The following MACROD2 variants were observed in gnomAD, a reference collection of about 807,000 sequenced individuals.
MACROD2 encodes ADP-ribose glycohydrolase MACROD2.
MACROD2 carries 36 observed loss-of-function variants against 70.4 expected under a neutral mutation model. That is an observed-to-expected ratio of 0.51 (90% confidence interval 0.39 to 0.68). The LOEUF is 0.68. Ranked by LOEUF, MACROD2 falls within the 30% of genes least tolerant of loss-of-function variation. The pLI is 0.00. For synonymous variants in MACROD2, 172 were observed against 178.8 expected (o/e 0.96, Z 0.30); for missense variants, 496 against 538.4 (o/e 0.92, Z 0.78).
chr20:15,332,218 G>T (rs1008555170), intron 6 of MACROD2, among the ~76,000 whole-genome samples: 3 of 151,530 alleles, frequency 2.0e-5, no homozygotes, highest in African/African-American at 7.3e-5. Flanking sequence ...TGCAAAAAAT[G>T]CATTTGCTGC....
intron 3 of MACROD2, among the ~76,000 whole-genome samples, chr20:14,484,952 C>T (rs1283037307): frequency 6.6e-6 from 1 of 152,012 alleles, no homozygotes; most frequent in East Asian, 1.9e-4. Context: ...TTGGGGTATA[C>T]CTAGGGGTGT....
chr20:15,114,055 C>T (rs1309922577), intron 5 of MACROD2, among the ~76,000 whole-genome samples: 1 of 152,140 alleles, frequency 6.6e-6, no homozygotes, highest in African/African-American at 2.4e-5. Flanking sequence ...TCAGTGGTCA[C>T]CGCTATCCAA....
At chr20:14,662,241 A>C (rs1250218981) in intron 4 of MACROD2, among the ~76,000 whole-genome samples, 1 of 152,144 alleles carries the variant, frequency 6.6e-6, no homozygotes, top group Admixed American at 6.6e-5. Flanking sequence ...ACAGTAGGGA[A>C]AGAATTTATT....
chr20:14,327,456 C>G, intron 3 of MACROD2: 2 of 1,613,440 alleles, frequency 1.2e-6, no homozygotes, highest in Non-Finnish European at 1.7e-6. Context: ...CTTGAAGGAA[C>G]AGCCCAATTT....
At chr20:15,150,122 T>C (rs1485307927) in intron 5 of MACROD2, among the ~76,000 whole-genome samples, 1 of 151,946 alleles carries the variant, frequency 6.6e-6, no homozygotes, top group Admixed American at 6.6e-5. Flanking sequence ...TTATGAGAAT[T>C]ATGCCAAGAT....
At chr20:14,359,854 C>A (rs1009548980) in intron 3 of MACROD2, among the ~76,000 whole-genome samples, 1 of 151,724 alleles carries the variant, frequency 6.6e-6, no homozygotes, top group Non-Finnish European at 1.5e-5. Flanking sequence ...AGAGTGAGAC[C>A]CTGTCTCAAA....
At chr20:14,076,694 C>G (rs374908608) in intron 2 of MACROD2, among the ~76,000 whole-genome samples, 8 of 151,772 alleles carry the variant, frequency 5.3e-5, no homozygotes, top group Admixed American at 2.6e-4. Flanking sequence ...CTTCCACCCC[C>G]CAAAGAAGTA....
chr20:14,174,928 C>G (rs2081251417), intron 3 of MACROD2, among the ~76,000 whole-genome samples: 1 of 152,138 alleles, frequency 6.6e-6, no homozygotes, highest in Non-Finnish European at 1.5e-5. Flanking sequence ...AGGTCAAATC[C>G]TTTTCCTGTG....
At chr20:15,118,144 C>G (rs977465817) in intron 5 of MACROD2, among the ~76,000 whole-genome samples, 2 of 151,856 alleles carry the variant, frequency 1.3e-5, no homozygotes, top group African/African-American at 4.8e-5. Context: ...TAATTTAAAC[C>G]CTACTTCTTA....
At chr20:14,417,092 TC>T (rs2083817834) in intron 3 of MACROD2, among the ~76,000 whole-genome samples, 1 of 147,284 alleles carries the variant, frequency 6.8e-6, no homozygotes, top group South Asian at 2.3e-4. Flanking sequence ...TATCTATCTA[TC>T]TATCTATCTA....
At chr20:14,091,904 T>A (rs1163176003) in intron 3 of MACROD2, among the ~76,000 whole-genome samples, 1 of 152,308 alleles carries the variant, frequency 6.6e-6, no homozygotes, top group Non-Finnish European at 1.5e-5. Flanking sequence ...TGAACATTTA[T>A]GTACATGTTT....
chr20:14,959,888 T>C (rs536428826), intron 5 of MACROD2, among the ~76,000 whole-genome samples: 1 of 152,154 alleles, frequency 6.6e-6, no homozygotes, highest in Non-Finnish European at 1.5e-5. Context: ...TAATACCTGA[T>C]TTACCACAAG....
chr20:14,866,520 G>T (rs1053647254), intron 5 of MACROD2, among the ~76,000 whole-genome samples: 1 of 151,996 alleles, frequency 6.6e-6, no homozygotes, highest in Non-Finnish European at 1.5e-5. Context: ...TGGGTGAGTA[G>T]GTCTTCTTGG....
intron 12 of MACROD2, among the ~76,000 whole-genome samples, chr20:15,958,166 A>G (rs1266802095): frequency 1.3e-5 from 2 of 152,186 alleles, no homozygotes; most frequent in African/African-American, 2.4e-5. Flanking sequence ...TCTATTATAC[A>G]CAGAACTGAT....
intron 6 of MACROD2, among the ~76,000 whole-genome samples, chr20:15,340,433 G>A (rs940281191): frequency 6.6e-6 from 1 of 151,984 alleles, no homozygotes; most frequent in African/African-American, 2.4e-5. Flanking sequence ...ACTGCGCCCA[G>A]CTGTCAACTT....
intron 3 of MACROD2, among the ~76,000 whole-genome samples, chr20:14,416,648 T>C (rs537212407): frequency 1.6e-3 from 239 of 152,340 alleles, no homozygotes; most frequent in African/African-American, 5.3e-3. Context: ...AGCACGTCTT[T>C]CTTTTCCTTC....
chr20:14,273,679 C>A (rs1042157790), intron 3 of MACROD2, among the ~76,000 whole-genome samples: 4 of 151,644 alleles, frequency 2.6e-5, no homozygotes, highest in African/African-American at 4.9e-5. Context: ...ACACAAAAAA[C>A]CCTTCAAAAA....
Position 14,709,240 on chromosome 20 carries a change from G to T in MACROD2, c.418+24281G>T, listed in dbSNP as rs76255378. On this transcript the variant is annotated intron_variant, in intron 5 of 17. Transcript: ENST00000684519. ...CTAAAATACTTACTTTTTTTTTTCA[G>T]TCAAAAATATATTCCTGAGTTCTAA... is the stretch of plus-strand genomic sequence containing the variant. 6.3e-4 allele frequency among the ~76,000 whole-genome samples: 94 copies of T among 149,622 alleles called. 1 individual carries two copies. The East Asian group carries it at 0.017, about 27-fold the overall frequency.
At chr20:15,472,952 C>G (rs1028580134) in intron 7 of MACROD2, among the ~76,000 whole-genome samples, 16 of 152,130 alleles carry the variant, frequency 1.1e-4, no homozygotes, top group Non-Finnish European at 1.5e-5. Context: ...CTTTTTATCC[C>G]TAATCTGGTA....
Sources: allele counts gnomAD v4.1 joint callset (sites outside exome capture counted in the v4.1 genomes callset), GRCh38; gene constraint gnomAD v4.1.1; transcripts MANE v1.5; gene names NCBI Gene and HGNC (gene_info 2026-07-23, HGNC 2026-07-21).